SORCS1: variants seen among roughly 807,000 people sequenced by gnomAD.
SORCS1 encodes sortilin related VPS10 domain containing receptor 1, also known as VPS10 domain-containing receptor SorCS1.
Under a neutral mutation model 146.1 loss-of-function variants are expected in SORCS1, and 60 were observed. The observed-to-expected ratio is 0.41, with a 90% CI of 0.33 to 0.51. The LOEUF is 0.51. Among genes scored for constraint, SORCS1 ranks in the 20% least tolerant of loss-of-function variants. The pLI, the probability that SORCS1 is intolerant of heterozygous loss-of-function variation, is 0.21. For missense variants in SORCS1, 1,352 were observed against 1,487.6 expected, an observed-to-expected ratio of 0.91 and a Z score of 1.50; for synonymous variants, 637 against 584.0, an observed-to-expected ratio of 1.09 and a Z score of -1.31.
chr10:107,124,942 CTTTT>C (rs1187239093), intron 1 of SORCS1, among the ~76,000 whole-genome samples: 2 of 145,934 alleles, frequency 1.4e-5, no homozygotes, highest in Admixed American at 6.9e-5. Context: ...TTCTTTCTTT[CTTTT>C]CTTTTTCTTT....
chr10:106,733,147 G>GA (rs1298919477), intron 5 of SORCS1, among the ~76,000 whole-genome samples: 1 of 131,556 alleles, frequency 7.6e-6, no homozygotes, highest in African/African-American at 2.8e-5. Context: ...AAAAGAAAAA[G>GA]AAAAAAAAGA....
At chr10:106,747,867 T>C (rs1307991169) in intron 5 of SORCS1, among the ~76,000 whole-genome samples, 1 of 141,530 alleles carries the variant, frequency 7.1e-6, no homozygotes, top group African/African-American at 2.9e-5. Flanking sequence ...TCTGATCCGA[T>C]AACTATATAT....
At chr10:106,794,630 G>A (rs1946462281) in intron 3 of SORCS1, among the ~76,000 whole-genome samples, 1 of 151,266 alleles carries the variant, frequency 6.6e-6, no homozygotes, top group African/African-American at 2.4e-5. Flanking sequence ...AGTCTCCCGA[G>A]TAGCTGGAAC....
At chr10:106,841,307 T>C (rs1488624872) in intron 2 of SORCS1, among the ~76,000 whole-genome samples, 1 of 151,894 alleles carries the variant, frequency 6.6e-6, no homozygotes, top group East Asian at 2.0e-4. Flanking sequence ...CCATCTTTAC[T>C]AAAAATACAA....
chr10:107,096,848 C>T (rs7073924), intron 1 of SORCS1, among the ~76,000 whole-genome samples: 22,882 of 152,082 alleles, frequency 0.15, 1,868 homozygotes, highest in South Asian at 0.21. Flanking sequence ...CCTAACAAAA[C>T]GGATCATCAA....
chr10:107,080,438 T>A (rs1963243982), intron 1 of SORCS1, among the ~76,000 whole-genome samples: 1 of 152,134 alleles, frequency 6.6e-6, no homozygotes, highest in Non-Finnish European at 1.5e-5. Flanking sequence ...TAAAGACAAT[T>A]TTTGTCCTCA....
chr10:106,662,665 T>C (rs1297617463), intron 17 of SORCS1, among the ~76,000 whole-genome samples: 1 of 152,234 alleles, frequency 6.6e-6, no homozygotes, highest in South Asian at 2.1e-4. Context: ...TCTATAAGCA[T>C]GCAGGCATTG....
intron 1 of SORCS1, among the ~76,000 whole-genome samples, chr10:107,037,709 G>T (rs1958965026): frequency 6.6e-6 from 1 of 152,220 alleles, no homozygotes; most frequent in East Asian, 1.9e-4. Flanking sequence ...AGGATCATTA[G>T]TCCCAATTGC....
At chr10:106,977,680 A>G (rs967559957) in intron 1 of SORCS1, among the ~76,000 whole-genome samples, 1 of 151,810 alleles carries the variant, frequency 6.6e-6, no homozygotes, top group Non-Finnish European at 1.5e-5. Context: ...TAAAGAAAGC[A>G]CCAGTATATT....
chr10:106,731,985 A>G (rs1337585801), intron 5 of SORCS1, among the ~76,000 whole-genome samples: 1 of 152,190 alleles, frequency 6.6e-6, no homozygotes, highest in Admixed American at 6.5e-5. Flanking sequence ...AAGTAAGTAC[A>G]TTAATCATTG....
intron 1 of SORCS1, among the ~76,000 whole-genome samples, chr10:106,969,042 A>T (rs1270587958): frequency 1.3e-5 from 2 of 152,256 alleles, no homozygotes; most frequent in Admixed American, 1.3e-4. Context: ...CTTAAAAAAA[A>T]TCTGGCTTGA....
At chr10:106,639,094 T>C (rs1034862700) in intron 18 of SORCS1, among the ~76,000 whole-genome samples, 1 of 152,212 alleles carries the variant, frequency 6.6e-6, no homozygotes, top group East Asian at 1.9e-4. Flanking sequence ...GACTTACCAC[T>C]GCACATTAAT....
intron 18 of SORCS1, among the ~76,000 whole-genome samples, chr10:106,640,601 C>A (rs1026954705): frequency 6.6e-6 from 1 of 152,204 alleles, no homozygotes; most frequent in Non-Finnish European, 1.5e-5. Flanking sequence ...CGAATGCCTC[C>A]CAAATCAGTT....
At chr10:106,979,753 T>C (rs1408072961) in intron 1 of SORCS1, among the ~76,000 whole-genome samples, 1 of 152,126 alleles carries the variant, frequency 6.6e-6, no homozygotes, top group African/African-American at 2.4e-5. Flanking sequence ...GCATTTAAGT[T>C]TGTTTAGGCT....
intron 1 of SORCS1, among the ~76,000 whole-genome samples, chr10:107,051,725 C>T (rs1331647430): frequency 6.6e-6 from 1 of 152,096 alleles, no homozygotes; most frequent in Non-Finnish European, 1.5e-5. Context: ...CTGTGCCAAG[C>T]ATTTTCAGAT....
At chr10:107,144,642 T>C (rs1030491281) in intron 1 of SORCS1, among the ~76,000 whole-genome samples, 4 of 152,208 alleles carry the variant, frequency 2.6e-5, no homozygotes, top group Admixed American at 6.5e-5. Flanking sequence ...GGCCTTGCCA[T>C]ATTGGGCACT....
At chr10:106,639,941 C>T (rs1266883624) in intron 18 of SORCS1, among the ~76,000 whole-genome samples, 1 of 152,002 alleles carries the variant, frequency 6.6e-6, no homozygotes, top group Non-Finnish European at 1.5e-5. Context: ...TTGCTTGAAC[C>T]CAGGAGGTGG....
intron 3 of SORCS1, among the ~76,000 whole-genome samples, chr10:106,813,878 G>A (rs4918260): frequency 0.46 from 69,760 of 151,732 alleles, 16,532 homozygotes; most frequent in African/African-American, 0.59. Context: ...GCTCCAGCCC[G>A]GGAATTGAAG....
intron 1 of SORCS1, among the ~76,000 whole-genome samples, chr10:107,065,423 C>CTT (rs1554937398): frequency 2.1e-5 from 3 of 140,262 alleles, no homozygotes; most frequent in East Asian, 2.0e-4. Flanking sequence ...TCTTTTCTTT[C>CTT]TTTCTTTCTT....
Sources: allele counts gnomAD v4.1 joint callset (sites outside exome capture counted in the v4.1 genomes callset), GRCh38; gene constraint gnomAD v4.1.1; transcripts MANE v1.5; gene names NCBI Gene and HGNC (gene_info 2026-07-23, HGNC 2026-07-21).